The following DARS2 variants were observed in gnomAD, a reference collection of about 807,000 sequenced individuals.
The protein encoded by DARS2 is aspartate--tRNA ligase, mitochondrial.
A neutral mutation model predicts 83.0 loss-of-function variants in DARS2; 63 were observed. That is an observed-to-expected ratio of 0.76 (90% CI 0.62 to 0.94). DARS2 has a LOEUF of 0.94. Among genes scored for constraint, DARS2 ranks in the 40% least tolerant of loss-of-function variants. DARS2 has a pLI of 0.00. For missense variants in DARS2, 675 were observed against 774.4 expected (o/e 0.87, Z 1.52); for synonymous variants, 250 against 269.3 (o/e 0.93, Z 0.70).
At chr1:173,850,605 CTT>C (rs66665709) in intron 13 of DARS2, 126 bp downstream of exon 13, 18,423 of 674,422 alleles carry the variant, frequency 0.027, no homozygotes, top group South Asian at 0.034. Flanking sequence ...CTGCATAAAT[CTT>C]TTTTTTTTTT....
At chr1:173,826,181 G>T (rs1652548289) in intron 1 of DARS2, among the ~76,000 whole-genome samples, 1 of 150,396 alleles carries the variant, frequency 6.6e-6, no homozygotes, top group Non-Finnish European at 1.5e-5. Flanking sequence ...CCGAGATCGC[G>T]CCACTGCACT....
chr1:173,832,832 A>G (rs1238382075), intron 5 of DARS2, among the ~76,000 whole-genome samples: 1 of 151,628 alleles, frequency 6.6e-6, no homozygotes, highest in African/African-American at 2.4e-5. Context: ...AGCCATGGAG[A>G]TTCCATCCAC....
intron 6 of DARS2, 124 bp from the exon 7 acceptor site, chr1:173,834,349 G>T (rs1652900300): frequency 1.3e-6 from 1 of 745,708 alleles, no homozygotes; most frequent in Non-Finnish European, 2.4e-6. Context: ...AGGCTTGGTA[G>T]CTTATTTCAG....
At chr1:173,845,660 C>T (rs997244567) in intron 12 of DARS2, among the ~76,000 whole-genome samples, 1 of 151,832 alleles carries the variant, frequency 6.6e-6, no homozygotes, top group East Asian at 1.9e-4. Flanking sequence ...GCCTGGGGGT[C>T]GAGGCTACAG....
intron 12 of DARS2, 134 bp from the exon 13 acceptor site, chr1:173,850,193 T>G: frequency 3.7e-5 from 39 of 1,041,856 alleles, no homozygotes; most frequent in Non-Finnish European, 4.8e-5. Flanking sequence ...AATGGGTTCA[T>G]GGAGATAATA....
chr1:173,837,878 A>G (rs1312101298), intron 8 of DARS2, among the ~76,000 whole-genome samples: 2 of 151,544 alleles, frequency 1.3e-5, no homozygotes, highest in Non-Finnish European at 3.0e-5. Context: ...GGTTGAAGTG[A>G]TTCTCCTGCC....
Position 173,833,856 on chromosome 1 carries a change from C to T in DARS2, c.616+357C>T, listed in dbSNP as rs182936202. Among the ~76,000 whole-genome samples, 670 of 151,928 alleles carry T rather than the reference C, an allele frequency of 4.4e-3. 1 individual carries two copies. The highest frequency in any genetic ancestry group is 6.9e-3 in the Non-Finnish European group (472 of 67,972). On this transcript the variant is annotated intron_variant, in intron 6 of 16. Coordinates refer to ENST00000649689, the MANE Select transcript of DARS2 (RefSeq NM_018122.5). ...CTCACTGCAGCCTCAACCTTTTAGG[C>T]TTAACCGATCCTCCCACCACACCTT...
At chr1:173,853,706 C>A in intron 14 of DARS2, 89 bp from the exon 15 acceptor site, 1 of 1,482,810 alleles carries the variant, frequency 6.7e-7, no homozygotes, top group Non-Finnish European at 9.4e-7. Flanking sequence ...AGTAGTAATA[C>A]ATTGTCTTTA....
In DARS2 at chr1:173,828,321, C is replaced by CA. The variant is rs59641795; in HGVS notation, c.228-12_228-11insA. 22 of 1,370,796 alleles carry CA rather than the reference C, an allele frequency of 1.6e-5. No individual in the cohort carries two copies. In the South Asian group the frequency reaches 2.6e-4, roughly 16 times the overall value. The allele number at this position is 1,370,796 out of a possible 1,614,324, so 84.9% of individuals were successfully genotyped here. The stretch of plus-strand genomic sequence containing the variant: ...TCTTAAAATGTTTCTTTTCCCCCCC[C>CA]CCATTAATCAGGCAAAACACATTCT... On this transcript the variant is annotated splice_polypyrimidine_tract_variant and intron_variant, in intron 2 of 16. Transcript: ENST00000649689.
chr1:173,825,449 CATTATTATTATTATT>C lies in DARS2; in HGVS notation c.127+115_127+129del, dbSNP rs55949406. On this transcript the variant is annotated intron_variant, in intron 1 of 16. Transcript: ENST00000649689. The stretch of plus-strand genomic sequence containing the variant: ...TTATTCCATTTTTCATTTTTTCCCC[CATTATTATTATTATT>C]ATTATTATTATTATTATTATTTGAG... 5.9e-4 allele frequency: 276 copies of C among 471,678 alleles called. 15 individuals carry two copies. The highest frequency in any genetic ancestry group is 8.0e-4 in the Non-Finnish European group (252 of 313,492). 29.2% of individuals were successfully genotyped at this position (471,678 alleles called of 1,614,324 possible).
chr1:173,856,852 A>G, intron 16 of DARS2, 111 bp downstream of exon 16: 1 of 750,046 alleles, frequency 1.3e-6, no homozygotes, highest in Admixed American at 2.6e-5. Context: ...GAGTTCCATG[A>G]GAATGTAAGT....
At chr1:173,853,589 A>G in intron 14 of DARS2, 22 bp downstream of exon 14, 10 of 1,612,846 alleles carry the variant, frequency 6.2e-6, no homozygotes, top group Non-Finnish European at 7.6e-6. Flanking sequence ...ATACTTCCAA[A>G]TCAAAAGGAA....
chr1:173,839,581 A>G, intron 10 of DARS2, 35 bp downstream of exon 10: 1 of 1,592,552 alleles, frequency 6.3e-7, no homozygotes, highest in South Asian at 1.1e-5. Context: ...CTCTGTCCCC[A>G]AATAATCCTG....
intron 9 of DARS2, among the ~76,000 whole-genome samples, chr1:173,838,618 A>G (rs1478491364): frequency 6.6e-6 from 1 of 152,034 alleles, no homozygotes; most frequent in African/African-American, 2.4e-5. Context: ...CTTAAAACAA[A>G]TCTCTTATAT....
Position 173,838,171 on chromosome 1 carries a change from T to C in DARS2, c.771-19T>C. On this transcript the variant is annotated intron_variant, in intron 8 of 16. Transcript: ENST00000649689. The stretch of plus-strand genomic sequence containing the variant: ...CTTCCTAGAATCATAACTCAATTAA[T>C]GCTATTTCTCAATTGTAGATATTTT... 3 of 1,592,010 alleles carry C rather than the reference T, an allele frequency of 1.9e-6. No individual in the cohort carries two copies. Among genetic ancestry groups the C allele is most frequent in the Non-Finnish European group, 2.6e-6 (3 of 1,159,934 alleles).
At position 173,825,236 on chromosome 1, in the gene DARS2, T is replaced by G. The variant is rs1652436193; in HGVS notation, c.7T>G (p.Phe3Val). The change falls in exon 1 of 17, where the codon TTC becomes GTC. Residue 3 changes from phenylalanine to valine, a missense_variant. Phe to Val is a conservative substitution (Grantham distance 50, BLOSUM62 -1). Coordinates refer to ENST00000649689, the MANE Select transcript of DARS2 (RefSeq NM_018122.5). ...GCCATCGTGTGGCTCCAACATGTAC[T>G]TCCCTTCTTGGTTAAGTCAGCTGTA... is the stretch of plus-strand genomic sequence containing the variant. Reference protein sequence around the residue: MYFPSWLSQLYRG... With the variant: MYVPSWLSQLYRG... 7 of 1,611,580 alleles carry G rather than the reference T, an allele frequency of 4.3e-6. No individual in the cohort carries two copies. Among genetic ancestry groups the G allele is most frequent in the Non-Finnish European group, 5.1e-6 (6 of 1,178,466 alleles).
chr1:173,825,668 A>G (rs1368210334), intron 1 of DARS2, among the ~76,000 whole-genome samples: 1 of 150,690 alleles, frequency 6.6e-6, no homozygotes, highest in Admixed American at 6.6e-5. Flanking sequence ...CCGGGGTTTC[A>G]CTGTGTTAGC....
Position 173,857,862 on chromosome 1 carries a change from T to A in DARS2, c.*157T>A. The A allele has an allele frequency of 1.2e-6, 1 of 807,652 alleles. No homozygotes were observed. Among genetic ancestry groups the A allele is most frequent in the South Asian group, 1.6e-5 (1 of 62,616 alleles). The allele number at this position is 807,652 out of a possible 1,614,324, so 50.0% of individuals were successfully genotyped here. ...TTCTTCACCACAACGAAGAAACAGA[T>A]AAAAGATACCCAATTTTGACTTGAT... On this transcript the variant is annotated 3_prime_UTR_variant, in exon 17 of 17. Coordinates refer to ENST00000649689, the MANE Select transcript of DARS2 (RefSeq NM_018122.5).
Position 173,842,020 on chromosome 1 carries a change from G to C in DARS2, c.1128+1047G>C, listed in dbSNP as rs1268420903. ...AATAACAGGGAAATAAAAGGAGATG[G>C]AGCTAAAAAAGCAAAAAGGAAGGGG... is the stretch of plus-strand genomic sequence containing the variant. On this transcript the variant is annotated intron_variant, in intron 11 of 16. Coordinates refer to ENST00000649689, the MANE Select transcript of DARS2 (RefSeq NM_018122.5). Among the ~76,000 whole-genome samples the C allele has an allele frequency of 4.6e-5, 7 of 152,076 alleles. No homozygotes were observed. In the East Asian group the frequency reaches 1.3e-3, roughly 29 times the overall value.
Sources: gnomAD v4.1 joint callset for allele counts (sites outside exome capture counted in the v4.1 genomes callset) on GRCh38, gnomAD v4.1.1 for gene constraint, MANE v1.5 for transcripts, NCBI Gene and HGNC (gene_info 2026-07-23, HGNC 2026-07-21) for gene names.